The following RASSF3 variants were observed in gnomAD, a reference collection of about 807,000 sequenced individuals.
RASSF3 encodes ras association domain-containing protein 3.
RASSF3 carries 19 observed loss-of-function variants against 19.9 expected under a neutral mutation model. That is an observed-to-expected ratio of 0.96 (90% CI 0.67 to 1.40). RASSF3 has a LOEUF of 1.40. RASSF3 is among the 40% of genes most tolerant of loss of function. The pLI, the probability that RASSF3 is intolerant of heterozygous loss-of-function variation, is 0.00. For synonymous variants in RASSF3, 110 were observed against 104.2 expected (o/e 1.06, Z -0.34); for missense variants, 306 against 289.8 (o/e 1.06, Z -0.41).
intron 2 of RASSF3, among the ~76,000 whole-genome samples, chr12:64,590,231 C>CAA (rs1305038090): frequency 1.1e-4 from 13 of 116,948 alleles, no homozygotes; most frequent in Admixed American, 1.7e-4. Context: ...AAGACCCTGT[C>CAA]AAAAAAAAAA....
chr12:64,600,956 C>T (rs1188783002), intron 2 of RASSF3, among the ~76,000 whole-genome samples: 1 of 152,096 alleles, frequency 6.6e-6, no homozygotes, highest in Non-Finnish European at 1.5e-5. Context: ...GTGCCCAAAA[C>T]AGGGTCATAT....
chr12:64,640,064 T>G (rs1377812503), intron 1 of RASSF3, among the ~76,000 whole-genome samples: 1 of 152,248 alleles, frequency 6.6e-6, no homozygotes, highest in African/African-American at 2.4e-5. Context: ...TCTTTTATAT[T>G]CTCTGCTTTC....
intron 1 of RASSF3, among the ~76,000 whole-genome samples, chr12:64,672,062 T>G (rs1466976802): frequency 3.3e-5 from 5 of 152,160 alleles, no homozygotes; most frequent in African/African-American, 1.2e-4. Context: ...TATTTAAAAT[T>G]TTTTAACTTT....
chr12:64,633,903 G>A (rs1276054911), intron 1 of RASSF3, among the ~76,000 whole-genome samples: 1 of 152,202 alleles, frequency 6.6e-6, no homozygotes, highest in Non-Finnish European at 1.5e-5. Flanking sequence ...GGAGGCTGAG[G>A]TGGGAGGATT....
chr12:64,508,364 A>G, intron 1 of RASSF3, among the ~76,000 whole-genome samples: 1 of 151,698 alleles, frequency 6.6e-6, no homozygotes, highest in South Asian at 2.1e-4. Context: ...AAAATACAAA[A>G]AAATTAGCCG....
chr12:64,508,433 C>G (rs1261889994), intron 1 of RASSF3, among the ~76,000 whole-genome samples: 2 of 151,860 alleles, frequency 1.3e-5, no homozygotes, highest in East Asian at 3.9e-4. Flanking sequence ...AAGAGAATCA[C>G]TTGAACCTGG....
chr12:64,614,219 C>T (rs1469995026), intron 1 of RASSF3, among the ~76,000 whole-genome samples: 1 of 151,036 alleles, frequency 6.6e-6, no homozygotes, highest in Non-Finnish European at 1.5e-5. Context: ...CTGCAACCTC[C>T]GTCTCCCGCG....
chr12:64,618,582 C>G (rs567289011), intron 1 of RASSF3, among the ~76,000 whole-genome samples: 67 of 152,296 alleles, frequency 4.4e-4, no homozygotes, highest in African/African-American at 1.5e-3. Flanking sequence ...CCTCCTTGGC[C>G]TCCCAAAGTG....
At chr12:64,599,421 A>T (rs1006839209) in intron 2 of RASSF3, among the ~76,000 whole-genome samples, 1 of 152,250 alleles carries the variant, frequency 6.6e-6, no homozygotes, top group African/African-American at 2.4e-5. Context: ...CAGACAATTG[A>T]ATAAAAATAA....
chr12:64,686,394 C>T (rs1039648349), intron 2 of RASSF3, among the ~76,000 whole-genome samples: 9 of 152,166 alleles, frequency 5.9e-5, no homozygotes, highest in East Asian at 3.9e-4. Context: ...GGGCAGATCA[C>T]GAGGTCAGGA....
At chr12:64,661,865 G>T (rs1592453116) in intron 1 of RASSF3, among the ~76,000 whole-genome samples, 1 of 151,222 alleles carries the variant, frequency 6.6e-6, no homozygotes, top group Admixed American at 6.6e-5. Flanking sequence ...ATTTTTAGTA[G>T]AGATAGGGCT....
chr12:64,682,020 CT>C (rs1873143845), intron 1 of RASSF3, among the ~76,000 whole-genome samples: 1 of 152,108 alleles, frequency 6.6e-6, no homozygotes. Context: ...AAACAAAACA[CT>C]TTCTTGGAAG....
rs113857905 is a variant in RASSF3 at position 64,602,341 on chromosome 12, G to A, written c.294+60636G>A. Among the ~76,000 whole-genome samples the A allele has an allele frequency of 9.7e-3, 1,464 of 151,238 alleles. 30 individuals are homozygous for A. The highest frequency in any genetic ancestry group is 0.034 in the African/African-American group (1,405 of 41,204). On this transcript the variant is annotated intron_variant, in intron 2 of 5. Transcript: ENST00000637125. ...CACGCCTGTAATCCCAGCACTTTGGGAGGCTGAGGCGGGTGAATCATGAGG... is the reference window on the plus strand; with the variant it reads ...CACGCCTGTAATCCCAGCACTTTGGAAGGCTGAGGCGGGTGAATCATGAGG...
chr12:64,661,267 G>GATTACTTGAGCCAA (rs1872347189), intron 1 of RASSF3, among the ~76,000 whole-genome samples: 1 of 152,186 alleles, frequency 6.6e-6, no homozygotes, highest in Non-Finnish European at 1.5e-5. Context: ...AGCACTTTGG[G>GATTACTTGAGCCAA]AGGCCAAGGC....
intron 2 of RASSF3, among the ~76,000 whole-genome samples, chr12:64,567,178 G>A (rs999581575): frequency 3.3e-5 from 5 of 152,184 alleles, no homozygotes; most frequent in African/African-American, 1.2e-4. Flanking sequence ...CCAATGCCCC[G>A]TGGGAGGCCC....
chr12:64,650,782 G>A (rs1029554019), intron 1 of RASSF3, among the ~76,000 whole-genome samples: 1 of 152,100 alleles, frequency 6.6e-6, no homozygotes, highest in Non-Finnish European at 1.5e-5. Flanking sequence ...TTAAACAATG[G>A]TTTCACTAAA....
chr12:64,590,481 G>GGA (rs1869901896), intron 2 of RASSF3, among the ~76,000 whole-genome samples: 1 of 152,054 alleles, frequency 6.6e-6, no homozygotes, highest in South Asian at 2.1e-4. Context: ...TGTTGACAAG[G>GGA]GAGAGAGATG....
chr12:64,563,458 C>A (rs1869381471), intron 2 of RASSF3, among the ~76,000 whole-genome samples: 2 of 152,160 alleles, frequency 1.3e-5, no homozygotes, highest in South Asian at 4.1e-4. Context: ...GCATGAGCCA[C>A]CACACCTGGC....
At chr12:64,609,804 A>C (rs1210157449), upstream of RASSF3, among the ~76,000 whole-genome samples, 2 of 152,218 alleles carry the variant, frequency 1.3e-5, no homozygotes, top group Admixed American at 6.5e-5. Context: ...TTCACCTTTC[A>C]GTTGCACTGA....
Sources: allele counts gnomAD v4.1 joint callset (sites outside exome capture counted in the v4.1 genomes callset), GRCh38; gene constraint gnomAD v4.1.1; transcripts MANE v1.5; gene names NCBI Gene and HGNC (gene_info 2026-07-23, HGNC 2026-07-21).